The following FAM135A variants were observed in gnomAD, a reference collection of about 807,000 sequenced individuals.
FAM135A encodes the protein protein FAM135A.
Under a neutral mutation model 146.8 loss-of-function variants are expected in FAM135A, and 79 were observed. The observed-to-expected ratio is 0.54, with a 90% CI of 0.45 to 0.65. The LOEUF is 0.65. Ranked by LOEUF, FAM135A falls within the 30% of genes least tolerant of loss-of-function variation. FAM135A has a pLI of 0.00. For missense variants in FAM135A, 1,623 were observed against 1,758.2 expected, an observed-to-expected ratio of 0.92 and a Z score of 1.38; for synonymous variants, 562 against 603.6, an observed-to-expected ratio of 0.93 and a Z score of 1.01.
At chr6:70,443,148 G>T (rs2127966598) in intron 4 of FAM135A, among the ~76,000 whole-genome samples, 2 of 152,176 alleles carry the variant, frequency 1.3e-5, no homozygotes, top group East Asian at 3.9e-4. Context: ...TGCCATTTTT[G>T]ATCTCACTAG....
chr6:70,424,627 G>A (rs1164524568), intron 2 of FAM135A, among the ~76,000 whole-genome samples: 2 of 152,168 alleles, frequency 1.3e-5, no homozygotes, highest in African/African-American at 4.8e-5. Flanking sequence ...TTTGACCAAG[G>A]CACTAAACCT....
At chr6:70,450,787 CTG>C (rs368980467) in intron 4 of FAM135A, among the ~76,000 whole-genome samples, 139 of 108,624 alleles carry the variant, frequency 1.3e-3, no homozygotes, top group African/African-American at 4.6e-3. Context: ...GTCTCTCAGG[CTG>C]TTAGTGCAGT....
Position 70,547,745 on chromosome 6 carries a change from G to A in FAM135A, c.4229-9005G>A, listed in dbSNP as rs1260554487. Among the ~76,000 whole-genome samples the A allele has an allele frequency of 3.3e-5, 5 of 152,192 alleles. No individual in the cohort carries two copies. In the South Asian group the frequency reaches 8.3e-4, roughly 25 times the overall value. ...AAGACTTTAGACTATGAAGATGAAA[G>A]TTTCAATTAAGGTGTTCATATATCA... On this transcript the variant is annotated intron_variant, in intron 20 of 21. Coordinates refer to ENST00000418814, the MANE Select transcript of FAM135A (RefSeq NM_001162529.3).
chr6:70,507,725 C>T (rs1189241379), intron 12 of FAM135A, among the ~76,000 whole-genome samples: 2 of 152,056 alleles, frequency 1.3e-5, no homozygotes. Context: ...ATTCATGCTA[C>T]ATCATAGAGA....
intron 5 of FAM135A, among the ~76,000 whole-genome samples, chr6:70,467,397 C>G (rs1455053847): frequency 6.6e-6 from 1 of 151,526 alleles, no homozygotes; most frequent in Non-Finnish European, 1.5e-5. Context: ...CTCTTGGTAA[C>G]TGGGGTTCTG....
intron 4 of FAM135A, among the ~76,000 whole-genome samples, chr6:70,452,196 T>C (rs1336915983): frequency 6.6e-6 from 1 of 152,118 alleles, no homozygotes; most frequent in African/African-American, 2.4e-5. Flanking sequence ...ATGAAGTTCT[T>C]AGACGCTTTT....
At chr6:70,456,784 C>T (rs17634491) in intron 5 of FAM135A, among the ~76,000 whole-genome samples, 19,167 of 152,096 alleles carry the variant, frequency 0.13, 1,484 homozygotes, top group Middle Eastern at 0.19. Flanking sequence ...GACTTGTGAG[C>T]TCAGGATAAG....
intron 5 of FAM135A, among the ~76,000 whole-genome samples, chr6:70,467,981 G>A (rs938115027): frequency 3.9e-5 from 6 of 152,078 alleles, no homozygotes; most frequent in African/African-American, 1.2e-4. Context: ...ATGAGTGAAA[G>A]GAAGGCTGAT....
chr6:70,559,640 T>G (rs547139280), intron 21 of FAM135A, 76 bp from the exon 22 acceptor site: 1 of 1,213,492 alleles, frequency 8.2e-7, no homozygotes, highest in Admixed American at 2.5e-5. Flanking sequence ...TTATAACTTA[T>G]CTAAAAATTG....
Position 70,502,776 on chromosome 6 carries a change from G to T in FAM135A, c.1014G>T (p.Glu338Asp). Residue 338 changes from glutamate to aspartate, a missense_variant, in exon 12 of 22, where the codon GAG becomes GAT. By Grantham distance (45) the Glu-to-Asp change is conservative. Around this residue, in one of 7 missense-constraint regions of FAM135A, gnomAD observed 206 missense variants for 194.7 expected, o/e 1.06. Coordinates refer to ENST00000418814, the MANE Select transcript of FAM135A (RefSeq NM_001162529.3). ...AACTAAGAATATTATTAGCACAAGA[G>T]CACCATACTTTGAGGGTAAGTTAAA... ...HEELRILLAQ[E>D]HHTLRVRRFS... 1 of 1,610,118 alleles carries T rather than the reference G, an allele frequency of 6.2e-7. No individual in the cohort carries two copies. Among genetic ancestry groups the T allele is most frequent in the Non-Finnish European group, 8.5e-7 (1 of 1,178,172 alleles).
Position 70,452,477 on chromosome 6 carries a change from T to A in FAM135A, c.78-15T>A, listed in dbSNP as rs768982914. 1 of 1,580,150 alleles carries A rather than the reference T, an allele frequency of 6.3e-7. No individual in the cohort carries two copies. The highest frequency in any genetic ancestry group is 1.8e-5 in the Admixed American group (1 of 54,726). On this transcript the variant is annotated splice_polypyrimidine_tract_variant and intron_variant, in intron 4 of 21. Coordinates refer to ENST00000418814, the MANE Select transcript of FAM135A (RefSeq NM_001162529.3). ...AATATGTTTTGAAATAACTTCCTTG[T>A]TTATTTTGCTTTAGTTTTTACCAGA...
chr6:70,441,724 G>A (rs868569394), intron 4 of FAM135A, among the ~76,000 whole-genome samples: 40 of 144,874 alleles, frequency 2.8e-4, no homozygotes, highest in Admixed American at 7.7e-4. Flanking sequence ...TCACTCTGTC[G>A]CCCAGGCCAG....
chr6:70,420,733 G>A (rs1266256443), intron 2 of FAM135A, among the ~76,000 whole-genome samples: 2 of 152,062 alleles, frequency 1.3e-5, no homozygotes, highest in African/African-American at 4.8e-5. Context: ...AATTTTAATA[G>A]TAATTTAATC....
chr6:70,518,697 T>C (rs1244218859), intron 12 of FAM135A, among the ~76,000 whole-genome samples: 10 of 152,214 alleles, frequency 6.6e-5, no homozygotes, highest in Non-Finnish European at 1.5e-4. Context: ...GAATCTACTC[T>C]GCTGCATTAA....
At chr6:70,531,096 G>T (rs939722815) in intron 16 of FAM135A, among the ~76,000 whole-genome samples, 3 of 152,204 alleles carry the variant, frequency 2.0e-5, no homozygotes, top group South Asian at 2.1e-4. Context: ...TAGGAATATT[G>T]TCATGATGGA....
At chr6:70,544,633 C>G (rs981418686) in intron 20 of FAM135A, among the ~76,000 whole-genome samples, 1 of 151,564 alleles carries the variant, frequency 6.6e-6, no homozygotes, top group African/African-American at 2.4e-5. Flanking sequence ...CCCAGCCACT[C>G]CAGAGGCTGA....
chr6:70,557,963 G>A (rs56143128), intron 21 of FAM135A, among the ~76,000 whole-genome samples: 19,137 of 152,102 alleles, frequency 0.13, 1,488 homozygotes, highest in Middle Eastern at 0.18. Flanking sequence ...AAAGGCTAGA[G>A]TCCACCTAAG....
At position 70,533,160 on chromosome 6, in the gene FAM135A, G is replaced by A; in HGVS notation, c.3776G>A (p.Gly1259Glu). Residue 1259 changes from glycine to glutamate, a missense_variant and splice_region_variant, in exon 17 of 22, where the codon GGA (glycine) becomes GAA (glutamate). Physicochemically the swap from Gly to Glu is moderately conservative, Grantham distance 98. This residue lies in a region of FAM135A where 1,061 missense variants were observed against 1,113.8 expected (regional missense o/e 0.95). Coordinates refer to ENST00000418814, the MANE Select transcript of FAM135A (RefSeq NM_001162529.3). The stretch of plus-strand genomic sequence containing the variant: ...TTAAACATCATTTTTCATTTTTTAG[G>A]AAACAGTGCAGATCTCCGATTAGTA... ...HLIVCVHGLD[G>E]NSADLRLVKT... 1 of 1,610,394 alleles carries A rather than the reference G, an allele frequency of 6.2e-7. No homozygotes were observed. Among genetic ancestry groups the A allele is most frequent in the Non-Finnish European group, 8.5e-7 (1 of 1,177,664 alleles).
Position 70,428,472 on chromosome 6 carries a change from A to G in FAM135A, c.77+53A>G, listed in dbSNP as rs562229216. On this transcript the variant is annotated intron_variant, in intron 4 of 21. Coordinates refer to ENST00000418814, the MANE Select transcript of FAM135A (RefSeq NM_001162529.3). ...ATTTTGCATAAGATGTACAGTTTAA[A>G]TTTAAATTTAATTACATATTTTTAT... The G allele has an allele frequency of 5.8e-6, 7 of 1,215,686 alleles. No homozygotes were observed. In the East Asian group the frequency reaches 1.9e-4, roughly 33 times the overall value. 75.3% of individuals were successfully genotyped at this position (1,215,686 alleles called of 1,614,324 possible). A position where few individuals can be genotyped will look rare whatever the true frequency, so the allele number is the denominator to read the frequency against.
Sources: gnomAD v4.1 joint callset for allele counts (sites outside exome capture counted in the v4.1 genomes callset) on GRCh38, gnomAD v4.1.1 for gene constraint, gnomAD v4.1.1 regional missense constraint, MANE v1.5 for transcripts, NCBI Gene and HGNC (gene_info 2026-07-23, HGNC 2026-07-21) for gene names.